The following LGI1 variants were observed in gnomAD, a reference collection of about 807,000 sequenced individuals.
The protein encoded by LGI1 is leucine rich glioma inactivated 1, also known as leucine-rich glioma-inactivated protein 1.
In LGI1, 11 loss-of-function variants were observed where a neutral mutation model predicts 57.7. The observed-to-expected ratio is 0.19, with a 90% CI of 0.12 to 0.32. LGI1 has a LOEUF of 0.32. Ranked by LOEUF, LGI1 falls within the 10% of genes least tolerant of loss-of-function variation. LGI1 has a pLI of 1.00. For synonymous variants in LGI1, 222 were observed against 241.9 expected, an observed-to-expected ratio of 0.92 and a Z score of 0.76; for missense variants, 422 against 661.9, an observed-to-expected ratio of 0.64 and a Z score of 3.98.
In LGI1 at chr10:93,797,447, G is replaced by A. The variant is rs144400448; in HGVS notation, c.1318G>A (p.Val440Met). The stretch of plus-strand genomic sequence containing the variant: ...TGTGTACGCAGTGAAGCACTTCTCA[G>A]TGAAAGGGGACGTGTACATTTGCTT... ...EDVYAVKHFS[V>M]KGDVYICLTR... The change falls in exon 8 of 8, where the codon GTG (valine) becomes ATG (methionine). Residue 440 changes from valine (V) to methionine (M), a missense_variant. By Grantham distance (21) the Val-to-Met change is conservative. Around this residue, in one of 3 missense-constraint regions of LGI1, gnomAD observed 301 missense variants for 461.7 expected, o/e 0.65. Coordinates refer to ENST00000371418, the MANE Select transcript of LGI1 (RefSeq NM_005097.4). This position sits in a 1 kb window ranked among gnomAD's most constrained non-coding sequence, Gnocchi z 6.5. 2.6e-5 allele frequency: 42 copies of A among 1,614,118 alleles called. No homozygotes were observed. Among genetic ancestry groups the A allele is most frequent in the Non-Finnish European group, 3.4e-5 (40 of 1,180,050 alleles).
intron 4 of LGI1, among the ~76,000 whole-genome samples, chr10:93,783,560 G>T (rs1467550225): frequency 6.6e-6 from 1 of 152,120 alleles, no homozygotes. Context: ...CACACCAGCT[G>T]GTGGGGACTG....
At chr10:93,762,541 T>C (rs767220501) in intron 2 of LGI1, 1 of 152,168 alleles carries the variant, frequency 6.6e-6, no homozygotes, top group Non-Finnish European at 1.5e-5. Context: ...AATTTAGCAG[T>C]CTTCAATGAC....
chr10:93,758,605 T>TA lies in LGI1; in HGVS notation c.216-154dup, dbSNP rs1202697683. The TA allele has an allele frequency of 1.9e-5, 13 of 699,914 alleles. No homozygotes were observed. The highest frequency in any genetic ancestry group is 3.2e-5 in the Non-Finnish European group (13 of 403,256). The allele number at this position is 699,914 out of a possible 1,614,324, so 43.4% of individuals were successfully genotyped here. On this transcript the variant is annotated intron_variant, in intron 1 of 7. Transcript: ENST00000371418. The surrounding 1 kb of genome is among the most constrained non-coding windows in gnomAD (Gnocchi z 4.7). Reference sequence around the variant, plus strand: ...AAACCTGTAGCCGATTCATTTCTCTTACTTCATCTGGGAAGGAATAGTATC... The same window carrying TA: ...AAACCTGTAGCCGATTCATTTCTCTTAACTTCATCTGGGAAGGAATAGTATC...
At chr10:93,783,223 A>C (rs1449369176) in intron 4 of LGI1, among the ~76,000 whole-genome samples, 1 of 151,990 alleles carries the variant, frequency 6.6e-6, no homozygotes, top group Non-Finnish European at 1.5e-5. Flanking sequence ...AAAAATACAA[A>C]AAATTAGCTG....
At chr10:93,790,389 A>G (rs2059926672) in intron 5 of LGI1, 1 of 552,342 alleles carries the variant, frequency 1.8e-6, no homozygotes. Flanking sequence ...GCACCCAGGC[A>G]TTCCTTTGAC....
intron 2 of LGI1, among the ~76,000 whole-genome samples, chr10:93,773,516 A>G (rs1297621731): frequency 1.3e-5 from 2 of 152,208 alleles, no homozygotes; most frequent in South Asian, 4.1e-4. Flanking sequence ...GGAGTCTATG[A>G]CATGTAGGCT....
intron 2 of LGI1, among the ~76,000 whole-genome samples, chr10:93,773,268 T>C (rs1450117621): frequency 6.6e-6 from 1 of 152,126 alleles, no homozygotes; most frequent in Non-Finnish European, 1.5e-5. Context: ...AGCTGAGTGG[T>C]GTTATTATGG....
In LGI1 at chr10:93,758,137, T is replaced by A; in HGVS notation, c.-8T>A. 6.2e-7 allele frequency: 1 copy of A among 1,613,736 alleles called. No homozygotes were observed. The highest frequency in any genetic ancestry group is 8.5e-7 in the Non-Finnish European group (1 of 1,179,630). ...CCTGTTCATGGTTGGGGATATTTTC[T>A]CGACTGCATGGAATCAGAAAGAAGC... On this transcript the variant is annotated 5_prime_UTR_variant, in exon 1 of 8. Coordinates refer to ENST00000371418, the MANE Select transcript of LGI1 (RefSeq NM_005097.4). The surrounding 1 kb of genome is among the most constrained non-coding windows in gnomAD (Gnocchi z 4.7).
At chr10:93,783,378 A>G (rs1453055894) in intron 4 of LGI1, among the ~76,000 whole-genome samples, 4 of 152,228 alleles carry the variant, frequency 2.6e-5, no homozygotes, top group Non-Finnish European at 4.4e-5. Flanking sequence ...TCCGTCTCCA[A>G]TAAATAAATA....
At chr10:93,778,197 G>A (rs1331491638) in intron 4 of LGI1, among the ~76,000 whole-genome samples, 1 of 152,154 alleles carries the variant, frequency 6.6e-6, no homozygotes, top group Admixed American at 6.5e-5. Flanking sequence ...GTGAAAGGCA[G>A]GGATTCTTCT....
chr10:93,776,940 GCA>G, intron 2 of LGI1: 1 of 232,416 alleles, frequency 4.3e-6, no homozygotes, highest in Non-Finnish European at 8.5e-6. Context: ...GCACAACCAG[GCA>G]TGCAGCTTAC....
intron 4 of LGI1, among the ~76,000 whole-genome samples, chr10:93,787,031 G>A (rs559511253): frequency 1.3e-5 from 2 of 152,220 alleles, no homozygotes; most frequent in South Asian, 2.1e-4. Context: ...AGAGACTTAG[G>A]GAAGCTGTCT....
chr10:93,758,865 A>G lies in LGI1; in HGVS notation c.287+34A>G. 2.1e-6 allele frequency: 3 copies of G among 1,416,942 alleles called. No individual in the cohort carries two copies. The highest frequency in any genetic ancestry group is 3.0e-6 in the Non-Finnish European group (3 of 1,001,586). 87.8% of individuals were successfully genotyped at this position (1,416,942 alleles called of 1,614,324 possible). A position where few individuals can be genotyped will look rare whatever the true frequency, so the allele number is the denominator to read the frequency against. On this transcript the variant is annotated intron_variant, in intron 2 of 7. Coordinates refer to ENST00000371418, the MANE Select transcript of LGI1 (RefSeq NM_005097.4). This position sits in a 1 kb window ranked among gnomAD's most constrained non-coding sequence, Gnocchi z 4.7. The stretch of plus-strand genomic sequence containing the variant: ...TATTTATATCATGACTATTTTTAAT[A>G]TGGCATATATTTGGATAAGCCTTCT...
At chr10:93,777,720 A>C in intron 4 of LGI1, 103 bp downstream of exon 4, 1 of 870,840 alleles carries the variant, frequency 1.1e-6, no homozygotes. Context: ...ATAAAAATTT[A>C]AGAAACCCAA....
intron 2 of LGI1, chr10:93,768,262 T>C (rs1003577090): frequency 1.3e-5 from 2 of 152,178 alleles, no homozygotes; most frequent in South Asian, 4.1e-4. Flanking sequence ...AAGAGGGAGC[T>C]GGCTTCCTCA....
intron 4 of LGI1, chr10:93,778,700 G>A (rs952415654): frequency 2.0e-5 from 3 of 152,154 alleles, no homozygotes; most frequent in Non-Finnish European, 2.9e-5. Context: ...TATCTTATCA[G>A]TTCTAGATAC....
At chr10:93,795,882 T>A (rs1242626496) in intron 7 of LGI1, among the ~76,000 whole-genome samples, 2 of 152,106 alleles carry the variant, frequency 1.3e-5, no homozygotes, top group Non-Finnish European at 2.9e-5. Context: ...CTGAAAAGAG[T>A]CAGAAATAAA....
intron 5 of LGI1, chr10:93,790,385 A>C: frequency 1.8e-6 from 1 of 556,822 alleles, no homozygotes; most frequent in Non-Finnish European, 3.1e-6. Context: ...CATGGCACCC[A>C]GGCATTCCTT....
intron 2 of LGI1, chr10:93,772,724 T>C (rs539726938): frequency 6.6e-6 from 1 of 152,282 alleles, no homozygotes; most frequent in Admixed American, 6.5e-5. Flanking sequence ...CTTTAAGCTT[T>C]TGTGTTTTCC....
Sources: gnomAD v4.1 joint callset for allele counts (sites outside exome capture counted in the v4.1 genomes callset) on GRCh38, gnomAD v4.1.1 for gene constraint, gnomAD v4.1.1 regional missense constraint, Gnocchi (gnomAD v3.1) non-coding constraint, MANE v1.5 for transcripts, NCBI Gene and HGNC (gene_info 2026-07-23, HGNC 2026-07-21) for gene names.